The following DHRS9 variants were observed in gnomAD, a reference collection of about 807,000 sequenced individuals.
DHRS9 encodes dehydrogenase/reductase 9, also known as dehydrogenase/reductase SDR family member 9.
A neutral mutation model predicts 26.6 loss-of-function variants in DHRS9; 18 were observed. The observed-to-expected ratio is 0.68, with a 90% CI of 0.47 to 1.00. DHRS9 has a LOEUF of 1.00. DHRS9 is among the 50% of genes least tolerant of loss of function. The pLI is 0.00. For missense variants in DHRS9, 425 were observed against 378.7 expected, an observed-to-expected ratio of 1.12 and a Z score of -1.01; for synonymous variants, 134 against 141.1, an observed-to-expected ratio of 0.95 and a Z score of 0.36.
At chr2:169,068,773 G>A (rs142715509), upstream of DHRS9, among the ~76,000 whole-genome samples, 1 of 152,292 alleles carries the variant, frequency 6.6e-6, no homozygotes, top group East Asian at 1.9e-4. Context: ...CAACAAACTG[G>A]TATACGAGGA....
intron 1 of DHRS9, among the ~76,000 whole-genome samples, chr2:169,080,372 T>C (rs922880589): frequency 1.3e-5 from 2 of 152,186 alleles, no homozygotes; most frequent in African/African-American, 4.8e-5. Flanking sequence ...TGCTCCTCTG[T>C]GGGGAGGGAG....
chr2:169,076,093 C>A (rs1683954618), intron 1 of DHRS9, among the ~76,000 whole-genome samples: 1 of 152,138 alleles, frequency 6.6e-6, no homozygotes, highest in African/African-American at 2.4e-5. Context: ...CTAATTCCAT[C>A]ATTCGTCTGA....
intron 3 of DHRS9, among the ~76,000 whole-genome samples, chr2:169,091,394 G>T (rs965085839): frequency 6.6e-5 from 10 of 152,324 alleles, no homozygotes; most frequent in Middle Eastern, 6.8e-3. Context: ...ATCTCCTTAT[G>T]TTGCTAGAAT....
upstream of DHRS9, chr2:169,067,213 AGAGTGACACTG>A (rs1558947210): frequency 5.2e-6 from 8 of 1,535,504 alleles, no homozygotes; most frequent in Non-Finnish European, 7.0e-6. Context: ...CAGCCTTACA[AGAGTGACACTG>A]GATATACTCC....
At chr2:169,085,531 G>T (rs1029721105) in intron 3 of DHRS9, among the ~76,000 whole-genome samples, 17 of 151,852 alleles carry the variant, frequency 1.1e-4, no homozygotes, top group African/African-American at 4.1e-4. Context: ...AGTTTTTATT[G>T]CAGAGAGCTC....
chr2:169,069,840 T>C (rs2105275651), intron 1 of DHRS9, 123 bp downstream of exon 1: 1 of 878,598 alleles, frequency 1.1e-6, no homozygotes, highest in Non-Finnish European at 1.4e-6. Context: ...ATGTTGCTAC[T>C]TCTTTTAATG....
At position 169,095,918 on chromosome 2, in the gene DHRS9, G is replaced by A; in HGVS notation, c.*151G>A. The A allele has an allele frequency of 7.0e-6, 5 of 718,224 alleles. No individual in the cohort carries two copies. The highest frequency in any genetic ancestry group is 9.3e-6 in the Non-Finnish European group (4 of 429,732). 44.5% of individuals were successfully genotyped at this position (718,224 alleles called of 1,614,324 possible). The stretch of plus-strand genomic sequence containing the variant: ...GCAAAAGGGAGTCCCACCATCGCTG[G>A]TGGTATCCCAGGGTCCCTGCTCAAG... On this transcript the variant is annotated 3_prime_UTR_variant, in exon 5 of 5. Transcript: ENST00000674881.
chr2:169,091,205 G>A (rs1047868299), intron 3 of DHRS9, among the ~76,000 whole-genome samples: 55 of 150,370 alleles, frequency 3.7e-4, no homozygotes, highest in African/African-American at 1.3e-3. Context: ...TAGGCTTTTA[G>A]TTTTCTGCTG....
At chr2:169,070,055 G>A in intron 1 of DHRS9, 2 of 966,158 alleles carry the variant, frequency 2.1e-6, no homozygotes, top group Non-Finnish European at 1.2e-6. Flanking sequence ...GGAAACTGGA[G>A]GGGGAAGTCT....
chr2:169,088,770 T>G (rs1684430569), intron 3 of DHRS9, among the ~76,000 whole-genome samples: 1 of 152,244 alleles, frequency 6.6e-6, no homozygotes, highest in Admixed American at 6.5e-5. Context: ...GCAGCGAATT[T>G]ATATTCAACT....
intron 1 of DHRS9, among the ~76,000 whole-genome samples, chr2:169,079,592 G>A (rs955094638): frequency 1.2e-4 from 18 of 151,874 alleles, no homozygotes; most frequent in African/African-American, 4.3e-4. Context: ...GGTGGCTCAC[G>A]CCTGTAATCC....
At chr2:169,073,849 A>G (rs1383253336) in intron 1 of DHRS9, among the ~76,000 whole-genome samples, 1 of 152,182 alleles carries the variant, frequency 6.6e-6, no homozygotes, top group African/African-American at 2.4e-5. Flanking sequence ...TTCTAGTGCT[A>G]TGATATTCTG....
Position 169,091,963 on chromosome 2 carries a change from C to G in DHRS9, c.736+10C>G, listed in dbSNP as rs752259981. On this transcript the variant is annotated intron_variant, in intron 4 of 4. Transcript: ENST00000674881. ...GGTTACATTGAAAAAAGTGAGTTTC[C>G]GGGCGGTGCCAATGTCCTCTAGAAT... 2 of 1,612,266 alleles carry G rather than the reference C, an allele frequency of 1.2e-6. No homozygotes were observed. Among genetic ancestry groups the G allele is most frequent in the African/African-American group, 1.3e-5 (1 of 74,792 alleles).
chr2:169,095,519 T>G (rs878938360), intron 4 of DHRS9, 25 bp from the exon 5 acceptor site: 1 of 1,584,484 alleles, frequency 6.3e-7, no homozygotes, highest in Non-Finnish European at 8.7e-7. Context: ...TACCAAAGAG[T>G]AAATGTACTT....
At chr2:169,074,756 T>TGAATCTTAGAGACTGAAGAA (rs1683913946) in intron 1 of DHRS9, among the ~76,000 whole-genome samples, 1 of 151,696 alleles carries the variant, frequency 6.6e-6, no homozygotes, top group African/African-American at 2.4e-5. Flanking sequence ...TAGAGGAATC[T>TGAATCTTAGAGACTGAAGAA]GAACCAGCAT....
intron 2 of DHRS9, among the ~76,000 whole-genome samples, 168 bp from the exon 3 acceptor site, chr2:169,083,161 C>T (rs879044977): frequency 1.3e-5 from 2 of 152,172 alleles, no homozygotes; most frequent in Non-Finnish European, 2.9e-5. Context: ...TCAGTTTAGC[C>T]TCCCACCCTC....
chr2:169,088,682 G>T (rs368761641), intron 3 of DHRS9, among the ~76,000 whole-genome samples: 40 of 152,266 alleles, frequency 2.6e-4, no homozygotes, highest in Non-Finnish European at 4.7e-4. Flanking sequence ...TCACCCAGCT[G>T]GTAAGTGGCA....
At chr2:169,077,879 T>C (rs186859917) in intron 1 of DHRS9, among the ~76,000 whole-genome samples, 2 of 152,314 alleles carry the variant, frequency 1.3e-5, no homozygotes, top group East Asian at 3.9e-4. Context: ...TATTATACTA[T>C]AACAGAGGAG....
chr2:169,090,061 A>G lies in DHRS9; in HGVS notation c.573-1729A>G, dbSNP rs370096412. ...GTGAGCTTTGCCATGCAGGTATGCC[A>G]TGCCTAATAGTAATCAATAAAGAGT... On this transcript the variant is annotated intron_variant, in intron 3 of 4. Coordinates refer to ENST00000674881, the MANE Select transcript of DHRS9 (RefSeq NM_001376924.1). Among the ~76,000 whole-genome samples, 7 of 152,366 alleles carry G rather than the reference A, an allele frequency of 4.6e-5. No individual in the cohort carries two copies. The East Asian group carries it at 9.6e-4, about 21-fold the overall frequency.
Sources: allele counts gnomAD v4.1 joint callset (sites outside exome capture counted in the v4.1 genomes callset), GRCh38; gene constraint gnomAD v4.1.1; transcripts MANE v1.5; gene names NCBI Gene and HGNC (gene_info 2026-07-23, HGNC 2026-07-21).